POGZ: variants seen among roughly 807,000 people sequenced by gnomAD.
POGZ encodes pogo transposable element derived with ZNF domain.
In POGZ, 17 loss-of-function variants were observed where a neutral mutation model predicts 134.6. The observed-to-expected ratio is 0.13, with a 90% CI of 0.09 to 0.19. The LOEUF (loss-of-function observed/expected upper bound fraction) is 0.19. Ranked by LOEUF, POGZ falls within the 10% of genes least tolerant of loss-of-function variation. The pLI is 1.00. For missense variants in POGZ, 1,306 were observed against 1,769.7 expected (o/e 0.74, Z 4.70); for synonymous variants, 693 against 657.1 (o/e 1.05, Z -0.84).
At chr1:151,449,943 C>A (rs980285419) in intron 1 of POGZ, among the ~76,000 whole-genome samples, 2 of 149,776 alleles carry the variant, frequency 1.3e-5, no homozygotes, top group Non-Finnish European at 3.0e-5. Context: ...ATGGTTATAT[C>A]TTGTATGTTA....
At chr1:151,437,975 G>A (rs530664207) in intron 3 of POGZ, among the ~76,000 whole-genome samples, 7 of 151,768 alleles carry the variant, frequency 4.6e-5, no homozygotes, top group Non-Finnish European at 1.0e-4. Flanking sequence ...TTGGGAGGCC[G>A]AGGTGGGCAA....
chr1:151,404,209 G>A lies in POGZ; in HGVS notation c.*593C>T. On this transcript the variant is annotated 3_prime_UTR_variant, in exon 19 of 19. Coordinates refer to ENST00000271715, the MANE Select transcript of POGZ (RefSeq NM_015100.4). ...AAAAGGAGAAGGAAGAGAGAGTTCA[G>A]TGGGACTTTTTTTCCATTTTCATTT... The A allele has an allele frequency of 1.0e-6, 1 of 985,710 alleles. No individual in the cohort carries two copies. Among genetic ancestry groups the A allele is most frequent in the Non-Finnish European group, 1.2e-6 (1 of 829,810 alleles). The allele number at this position is 985,710 out of a possible 1,614,324, so 61.1% of individuals were successfully genotyped here.
chr1:151,433,536 A>T (rs148541349), intron 3 of POGZ, among the ~76,000 whole-genome samples: 313 of 142,894 alleles, frequency 2.2e-3, no homozygotes, highest in Non-Finnish European at 3.4e-3. Flanking sequence ...TGAACCCAGG[A>T]GGCAGAGGTT....
chr1:151,436,413 A>G (rs1249088768), intron 3 of POGZ, among the ~76,000 whole-genome samples: 1 of 152,088 alleles, frequency 6.6e-6, no homozygotes, highest in African/African-American at 2.4e-5. Flanking sequence ...ATGGAATCAT[A>G]TAATATGTGA....
chr1:151,423,575 G>C (rs765169919), intron 9 of POGZ, 24 bp from the exon 10 acceptor site: 2 of 1,568,532 alleles, frequency 1.3e-6, no homozygotes, highest in East Asian at 4.5e-5. Context: ...CAAAGAGAAA[G>C]TACAGAAAAC....
chr1:151,455,770 G>A (rs892027154), intron 1 of POGZ, among the ~76,000 whole-genome samples: 10 of 152,068 alleles, frequency 6.6e-5, no homozygotes, highest in Non-Finnish European at 1.2e-4. Context: ...TCAGTCTGTT[G>A]CTATATGTAG....
intron 1 of POGZ, among the ~76,000 whole-genome samples, chr1:151,446,900 A>G (rs2102396884): frequency 6.6e-6 from 1 of 152,214 alleles, no homozygotes; most frequent in South Asian, 2.1e-4. Flanking sequence ...TTAATGATAC[A>G]AATTTTAATT....
chr1:151,447,543 C>T (rs1282437247), intron 1 of POGZ, among the ~76,000 whole-genome samples: 1 of 151,724 alleles, frequency 6.6e-6, no homozygotes. Flanking sequence ...CCTCCACCTC[C>T]CAGGCTCAAG....
chr1:151,457,549 G>C (rs1237920249), intron 1 of POGZ, among the ~76,000 whole-genome samples: 1 of 152,204 alleles, frequency 6.6e-6, no homozygotes, highest in Non-Finnish European at 1.5e-5. Context: ...CTGAGCAATA[G>C]TGTCTCAAAA....
intron 10 of POGZ, among the ~76,000 whole-genome samples, chr1:151,414,612 GTC>G (rs1655296785): frequency 6.6e-6 from 1 of 152,086 alleles, no homozygotes. Context: ...GAGAAACCCT[GTC>G]TCTACTAAAA....
chr1:151,441,968 CA>C (rs1660605595), intron 2 of POGZ, 112 bp downstream of exon 2: 1 of 720,702 alleles, frequency 1.4e-6, no homozygotes, highest in Non-Finnish European at 2.3e-6. Flanking sequence ...GTGAGTGCCA[CA>C]ACGAGGTCTC....
chr1:151,429,403 G>A (rs984958961), intron 5 of POGZ, 200 bp downstream of exon 5: 2 of 357,016 alleles, frequency 5.6e-6, no homozygotes, highest in South Asian at 5.2e-5. Flanking sequence ...GTGGTGAAAA[G>A]CTAAACAGAA....
intron 1 of POGZ, among the ~76,000 whole-genome samples, chr1:151,446,832 G>A (rs1361972458): frequency 3.3e-5 from 5 of 150,976 alleles, no homozygotes; most frequent in East Asian, 1.9e-4. Context: ...CAAGTGAACA[G>A]GCAAATTTTC....
At position 151,409,742 on chromosome 1, in the gene POGZ, T is replaced by C. The variant is rs140651222; in HGVS notation, c.1927-914A>G. Among the ~76,000 whole-genome samples the C allele has an allele frequency of 2.0e-3, 284 of 142,464 alleles. 2 individuals are homozygous for C. The highest frequency in any genetic ancestry group is 6.8e-3 in the African/African-American group (279 of 40,876). 93.5% of individuals were successfully genotyped at this position (142,464 alleles called of 152,430 possible). A position where few individuals can be genotyped will look rare whatever the true frequency, so the allele number is the denominator to read the frequency against. On this transcript the variant is annotated intron_variant, in intron 12 of 18. Transcript: ENST00000271715. The stretch of plus-strand genomic sequence containing the variant: ...TGATCCTCCCACCTCAGCCCTCTTC[T>C]TTTTCTCCTTTTAACACAAATGATA...
At chr1:151,439,572 A>G (rs1490901233) in intron 3 of POGZ, among the ~76,000 whole-genome samples, 2 of 152,262 alleles carry the variant, frequency 1.3e-5, no homozygotes, top group African/African-American at 2.4e-5. Context: ...TACGTTTTAC[A>G]CAGTAGGCAA....
At chr1:151,420,169 C>T (rs1303727485) in intron 10 of POGZ, among the ~76,000 whole-genome samples, 1 of 152,100 alleles carries the variant, frequency 6.6e-6, no homozygotes, top group Non-Finnish European at 1.5e-5. Flanking sequence ...GCCTGGGTGG[C>T]AGAGCAAGAC....
intron 10 of POGZ, among the ~76,000 whole-genome samples, chr1:151,420,415 C>A (rs1363007726): frequency 2.6e-5 from 4 of 152,074 alleles, no homozygotes; most frequent in Admixed American, 2.0e-4. Context: ...CTACTGGGCT[C>A]AAGCAATCCT....
chr1:151,424,913 G>A (rs1403488347), intron 8 of POGZ, 42 bp downstream of exon 8: 1 of 1,022,384 alleles, frequency 9.8e-7, no homozygotes. Flanking sequence ...GAAGGTAAAT[G>A]GCAGAAGCCA....
intron 1 of POGZ, among the ~76,000 whole-genome samples, chr1:151,458,580 A>C (rs994249206): frequency 1.4e-5 from 2 of 147,668 alleles, no homozygotes; most frequent in Admixed American, 6.7e-5. Flanking sequence ...AGGGCCGCGC[A>C]CCCCCACCCC....
Sources: allele counts gnomAD v4.1 joint callset (sites outside exome capture counted in the v4.1 genomes callset), GRCh38; gene constraint gnomAD v4.1.1; transcripts MANE v1.5; gene names NCBI Gene and HGNC (gene_info 2026-07-23, HGNC 2026-07-21).